The following TMEM135 variants were observed in gnomAD, a reference collection of about 807,000 sequenced individuals.
TMEM135 encodes the protein transmembrane protein 135.
In TMEM135, 30 loss-of-function variants were observed where a neutral mutation model predicts 60.3. The observed-to-expected ratio is 0.50, with a 90% CI of 0.37 to 0.68. The LOEUF is 0.68. Ranked by LOEUF, TMEM135 falls within the 30% of genes least tolerant of loss-of-function variation. TMEM135 has a pLI of 0.00. For synonymous variants in TMEM135, 190 were observed against 186.7 expected, an observed-to-expected ratio of 1.02 and a Z score of -0.14; for missense variants, 468 against 548.8, an observed-to-expected ratio of 0.85 and a Z score of 1.47.
At chr11:87,126,289 T>A (rs1937726189) in intron 4 of TMEM135, among the ~76,000 whole-genome samples, 1 of 152,164 alleles carries the variant, frequency 6.6e-6, no homozygotes. Flanking sequence ...GGCTGTCTCT[T>A]TAGAAGTTCA....
intron 4 of TMEM135, among the ~76,000 whole-genome samples, chr11:87,118,400 C>T (rs1413243858): frequency 3.3e-5 from 5 of 152,110 alleles, no homozygotes; most frequent in African/African-American, 1.2e-4. Context: ...TTAGTATAGC[C>T]ACCTTCATCA....
intron 4 of TMEM135, among the ~76,000 whole-genome samples, chr11:87,135,782 T>C (rs541618435): frequency 2.3e-4 from 35 of 152,252 alleles, no homozygotes; most frequent in African/African-American, 8.2e-4. Flanking sequence ...AAAAAGCCTT[T>C]GAGATATCTA....
intron 3 of TMEM135, 59 bp downstream of exon 3, chr11:87,071,674 A>ATTTT: frequency 4.5e-6 from 5 of 1,104,128 alleles, no homozygotes; most frequent in Non-Finnish European, 5.1e-6. Context: ...CCCAACTATA[A>ATTTT]TTTTTTTTTT....
chr11:87,083,562 A>G lies in TMEM135; in HGVS notation c.363-7800A>G, dbSNP rs148988340. On this transcript the variant is annotated intron_variant, in intron 3 of 14. Transcript: ENST00000305494. The stretch of plus-strand genomic sequence containing the variant: ...CTTATGAAACTCCAAACCAGGTATG[A>G]CCAGAATGAATGATCTATATAATAT... Among the ~76,000 whole-genome samples the G allele has an allele frequency of 1.5e-4, 23 of 152,310 alleles. No individual in the cohort carries two copies. In the South Asian group the frequency reaches 2.1e-3, roughly 14 times the overall value.
intron 6 of TMEM135, among the ~76,000 whole-genome samples, chr11:87,264,664 A>C (rs12804243): frequency 0.11 from 17,386 of 151,858 alleles, 1,125 homozygotes; most frequent in African/African-American, 0.15. Context: ...TAATCTCTAC[A>C]ATGTAGTTCC....
intron 4 of TMEM135, among the ~76,000 whole-genome samples, chr11:87,105,578 A>G (rs527766469): frequency 6.6e-6 from 1 of 152,296 alleles, no homozygotes; most frequent in South Asian, 2.1e-4. Flanking sequence ...GTTAAATGCC[A>G]CTTGATCATG....
intron 5 of TMEM135, among the ~76,000 whole-genome samples, chr11:87,226,025 T>C (rs1431283938): frequency 6.6e-6 from 1 of 152,168 alleles, no homozygotes; most frequent in East Asian, 1.9e-4. Context: ...TGGCTCCTTT[T>C]AGTTCCTCAC....
intron 5 of TMEM135, among the ~76,000 whole-genome samples, chr11:87,205,514 CAGG>C (rs1940216245): frequency 6.6e-6 from 1 of 152,104 alleles, no homozygotes; most frequent in Admixed American, 6.5e-5. Context: ...CATAGTTGAG[CAGG>C]ATCAGAGGAT....
At chr11:87,259,151 C>T in intron 6 of TMEM135, 1 of 654,322 alleles carries the variant, frequency 1.5e-6, no homozygotes, top group Non-Finnish European at 2.8e-6. Context: ...CCGACCAGGT[C>T]TCATCTAGCT....
intron 5 of TMEM135, among the ~76,000 whole-genome samples, chr11:87,234,367 G>A (rs928702565): frequency 6.6e-6 from 1 of 151,988 alleles, no homozygotes; most frequent in African/African-American, 2.4e-5. Context: ...ATTGTTCTAA[G>A]TTTTAGAACA....
rs1938706443 is a variant in TMEM135 at position 87,156,772 on chromosome 11, T to C, written c.397-569T>C. Among the ~76,000 whole-genome samples the C allele has an allele frequency of 2.0e-5, 3 of 152,230 alleles. No homozygotes were observed. In the South Asian group the frequency reaches 6.2e-4, roughly 31 times the overall value. On this transcript the variant is annotated intron_variant, in intron 4 of 14. Coordinates refer to ENST00000305494, the MANE Select transcript of TMEM135 (RefSeq NM_022918.4). ...TAGCAGATAAGTGATTTGAACTAAATTCAAATGGAAACTAAATTCAGAATA... is the reference window on the plus strand; with the variant it reads ...TAGCAGATAAGTGATTTGAACTAAACTCAAATGGAAACTAAATTCAGAATA...
intron 5 of TMEM135, among the ~76,000 whole-genome samples, chr11:87,202,382 G>A (rs1183781944): frequency 2.6e-5 from 4 of 152,146 alleles, no homozygotes; most frequent in African/African-American, 9.7e-5. Context: ...CTGGAGTGCA[G>A]TGGTGCAATC....
intron 5 of TMEM135, among the ~76,000 whole-genome samples, chr11:87,202,705 C>T (rs536867891): frequency 2.7e-5 from 4 of 150,300 alleles, no homozygotes; most frequent in African/African-American, 9.8e-5. Flanking sequence ...ACTGTGTCTC[C>T]CAAGTGAATT....
chr11:87,055,437 T>A (rs959914985), intron 1 of TMEM135, among the ~76,000 whole-genome samples: 1 of 152,238 alleles, frequency 6.6e-6, no homozygotes, highest in East Asian at 1.9e-4. Context: ...TGAAACTTCC[T>A]TCTAGTAAAA....
At chr11:87,158,903 T>C (rs1938784014) in intron 5 of TMEM135, among the ~76,000 whole-genome samples, 1 of 152,222 alleles carries the variant, frequency 6.6e-6, no homozygotes, top group Non-Finnish European at 1.5e-5. Context: ...TGTAGTAATC[T>C]GCCTATGATG....
intron 5 of TMEM135, among the ~76,000 whole-genome samples, chr11:87,195,391 T>TTCTCTCTCTCTCTCTTTCTC (rs1555116640): frequency 7.6e-5 from 5 of 65,758 alleles, no homozygotes; most frequent in African/African-American, 2.2e-4. Context: ...CCTTCCTTCC[T>TTCTCTCTCTCTCTCTTTCTC]TCTCTCTCTC....
chr11:87,294,259 G>A (rs768519031), intron 6 of TMEM135, among the ~76,000 whole-genome samples: 2 of 152,104 alleles, frequency 1.3e-5, no homozygotes, highest in African/African-American at 4.8e-5. Flanking sequence ...CTCAGATTCT[G>A]TACTGCATCT....
chr11:87,144,755 G>GTT (rs57015442), intron 4 of TMEM135, among the ~76,000 whole-genome samples: 3 of 147,126 alleles, frequency 2.0e-5, no homozygotes, highest in Non-Finnish European at 4.5e-5. Context: ...ACTTTCAAGA[G>GTT]TTTTTTTTTT....
intron 1 of TMEM135, among the ~76,000 whole-genome samples, chr11:87,056,782 A>G (rs1378687231): frequency 6.6e-6 from 1 of 152,198 alleles, no homozygotes; most frequent in African/African-American, 2.4e-5. Context: ...AAAGGATTCA[A>G]TTCATTACCC....
Sources: gnomAD v4.1 joint callset for allele counts (sites outside exome capture counted in the v4.1 genomes callset) on GRCh38, gnomAD v4.1.1 for gene constraint, MANE v1.5 for transcripts, NCBI Gene and HGNC (gene_info 2026-07-23, HGNC 2026-07-21) for gene names.